ANK1: variants seen among roughly 807,000 people sequenced by gnomAD.
The protein encoded by ANK1 is ankyrin-1.
ANK1 carries 51 observed loss-of-function variants against 210.4 expected under a neutral mutation model. The observed-to-expected ratio is 0.24, with a 90% confidence interval of 0.19 to 0.31. ANK1 has a LOEUF of 0.31. Among genes scored for constraint, ANK1 ranks in the 10% least tolerant of loss-of-function variants. ANK1 has a pLI of 1.00. For synonymous variants in ANK1, 967 were observed against 1,025.9 expected, an observed-to-expected ratio of 0.94 and a Z score of 1.10; for missense variants, 2,051 against 2,504.4, an observed-to-expected ratio of 0.82 and a Z score of 3.86.
At position 41,668,479 on chromosome 8, in the gene ANK1, C is replaced by A; in HGVS notation, c.5182G>T (p.Gly1728Cys). The stretch of plus-strand genomic sequence containing the variant: ...CTTGTTCCCTGGAATGAGTGTGGAC[C>A]TTGCGTGACCTCCTCTTGCCAGGAA... ...QGSWQEEVTQ[G>C]PHSFQGTSTM... The change falls in exon 39 of 43, where the codon GGT becomes TGT. Residue 1728 changes from glycine (G) to cysteine (C), a missense_variant. This residue lies in a region of ANK1 where 496 missense variants were observed against 533.4 expected (regional missense o/e 0.93). Transcript: ENST00000289734. The A allele has an allele frequency of 6.2e-7, 1 of 1,614,218 alleles. No individual in the cohort carries two copies. The highest frequency in any genetic ancestry group is 8.5e-7 in the Non-Finnish European group (1 of 1,180,028).
In ANK1 at chr8:41,791,894, C is replaced by T. The variant is rs538632970; in HGVS notation, c.27+5618G>A. Reference sequence around the variant, plus strand: ...TCTCAGGAAGGAAAACCCTTCCAGGCGTTCCTATAGGAGAGAAGGGCTGGG... The same window carrying T: ...TCTCAGGAAGGAAAACCCTTCCAGGTGTTCCTATAGGAGAGAAGGGCTGGG... On this transcript the variant is annotated intron_variant, in intron 1 of 42. Transcript: ENST00000289734. 6.3e-5 allele frequency among the ~76,000 whole-genome samples: 9 copies of T among 143,682 alleles called. No homozygotes were observed. The South Asian group carries it at 7.0e-4, about 11-fold the overall frequency. The allele number at this position is 143,682 out of a possible 152,430, so 94.3% of individuals were successfully genotyped here.
intron 1 of ANK1, among the ~76,000 whole-genome samples, chr8:41,841,391 C>G (rs1216528921): frequency 1.3e-5 from 2 of 152,120 alleles, no homozygotes; most frequent in Non-Finnish European, 2.9e-5. Flanking sequence ...TGAGGGAGAG[C>G]TGGGGATTTG....
At chr8:41,701,321 T>C (rs1201901802) in intron 22 of ANK1, among the ~76,000 whole-genome samples, 1 of 152,246 alleles carries the variant, frequency 6.6e-6, no homozygotes, top group East Asian at 1.9e-4. Flanking sequence ...TTTTGAAACT[T>C]CATGGGATTT....
chr8:41,683,075 C>T (rs1425545815), intron 37 of ANK1, among the ~76,000 whole-genome samples: 1 of 151,514 alleles, frequency 6.6e-6, no homozygotes. Context: ...CACATGAACA[C>T]GTGCACACAC....
chr8:41,747,772 C>T (rs1352776492), intron 2 of ANK1, among the ~76,000 whole-genome samples: 2 of 152,156 alleles, frequency 1.3e-5, no homozygotes, highest in Non-Finnish European at 2.9e-5. Context: ...CCGGATCGTT[C>T]CTGAAGGTGC....
At chr8:41,872,122 G>A (rs1563942149) in intron 1 of ANK1, among the ~76,000 whole-genome samples, 1 of 152,204 alleles carries the variant, frequency 6.6e-6, no homozygotes, top group East Asian at 1.9e-4. Flanking sequence ...CTGATTCGTG[G>A]TCTTAGTCAC....
At chr8:41,742,554 C>G (rs748617311) in intron 2 of ANK1, among the ~76,000 whole-genome samples, 1 of 152,214 alleles carries the variant, frequency 6.6e-6, no homozygotes, top group Non-Finnish European at 1.5e-5. Context: ...TCCCCCACTC[C>G]CTTTCTTTGA....
intron 1 of ANK1, chr8:41,896,347 C>T: frequency 6.3e-7 from 1 of 1,590,680 alleles, no homozygotes; most frequent in Non-Finnish European, 8.6e-7. Flanking sequence ...ACCGCCGCCC[C>T]CTCCTACCTT....
intron 1 of ANK1, among the ~76,000 whole-genome samples, chr8:41,761,599 C>A (rs143169607): frequency 9.2e-5 from 14 of 152,290 alleles, no homozygotes; most frequent in African/African-American, 3.1e-4. Flanking sequence ...GAACACATTT[C>A]CGTAGTGTCA....
intron 42 of ANK1, among the ~76,000 whole-genome samples, chr8:41,656,812 A>G (rs528756655): frequency 6.6e-6 from 1 of 152,274 alleles, no homozygotes; most frequent in East Asian, 1.9e-4. Context: ...GGGAGAACTC[A>G]GCTCTTGGGT....
intron 9 of ANK1, among the ~76,000 whole-genome samples, chr8:41,721,084 C>T (rs1462298597): frequency 2.0e-5 from 3 of 152,198 alleles, no homozygotes; most frequent in African/African-American, 7.2e-5. Flanking sequence ...TCACATGCTG[C>T]AGTCTTAACC....
rs746138074 is a variant in ANK1, at chr8:41,719,783, C to A, written c.985G>T (p.Ala329Ser). The change falls in exon 10 of 43, where the codon GCA becomes TCA. Residue 329 changes from alanine (A) to serine (S), a missense_variant. Physicochemically the swap from Ala to Ser is moderately conservative, Grantham distance 99. Coordinates refer to ENST00000289734, the MANE Select transcript of ANK1 (RefSeq NM_000037.4). The part of the protein sequence containing the change: ...DCVRLLLQYD[A>S]EIDDITLDHL... ...TCCAGGGTGATGTCGTCTATCTCTG[C>A]GTCGTATTGCAACAGGAGCCGGACA... is the stretch of plus-strand genomic sequence containing the variant. 3.1e-6 allele frequency: 5 copies of A among 1,614,084 alleles called. No homozygotes were observed. The highest frequency in any genetic ancestry group is 1.7e-5 in the Admixed American group (1 of 60,010).
intron 1 of ANK1, among the ~76,000 whole-genome samples, chr8:41,790,311 G>A (rs1476818081): frequency 1.3e-5 from 2 of 151,898 alleles, no homozygotes; most frequent in Admixed American, 1.3e-4. Flanking sequence ...CATGCCCAGC[G>A]AATTTTTGTA....
intron 1 of ANK1, among the ~76,000 whole-genome samples, chr8:41,852,930 G>A (rs1811529987): frequency 6.6e-6 from 1 of 152,210 alleles, no homozygotes; most frequent in South Asian, 2.1e-4. Flanking sequence ...AGTTTAGCCT[G>A]AACCTCACAA....
rs1826991474 is a variant in ANK1 at position 41,714,242 on chromosome 8, G to A, written c.1714C>T (p.Pro572Ser). 1.9e-6 allele frequency: 3 copies of A among 1,553,316 alleles called. No individual in the cohort carries two copies. The African/African-American group carries it at 4.1e-5, about 21-fold the overall frequency. Residue 572 changes from proline to serine, a missense_variant, in exon 16 of 43, where the codon CCC becomes TCC. Transcript: ENST00000289734. Reference sequence around the variant, plus strand: ...TTGTGATGGACGGCCACGTGCAGGGGGGTCAGGCCATTCTGCAGGGGACAA... The same window carrying A: ...TTGTGATGGACGGCCACGTGCAGGGAGGTCAGGCCATTCTGCAGGGGACAA... ...PNAAGKNGLTPLHVAVHHNNL... is the reference protein window; with the variant it reads ...PNAAGKNGLTSLHVAVHHNNL...
rs1286560913 is a variant in ANK1, at chr8:41,703,422, G to GTGTATATATATATA, written c.2295+618_2295+619insTATATATATATACA. Among the ~76,000 whole-genome samples the GTGTATATATATATA allele has an allele frequency of 7.4e-4, 40 of 53,724 alleles. 1 individual carries two copies. The highest frequency in any genetic ancestry group is 3.5e-3 in the South Asian group (5 of 1,430). The allele number at this position is 53,724 out of a possible 152,430, so 35.2% of individuals were successfully genotyped here. A position where few individuals can be genotyped will look rare whatever the true frequency, so the allele number is the denominator to read the frequency against. ...TATATGTGTGTGTGTGTGTGTGTGTGTATATATATATATATATATATATAT... is the reference window on the plus strand; with the variant it reads ...TATATGTGTGTGTGTGTGTGTGTGTGTGTATATATATATATATATATATATATATATATATATAT... On this transcript the variant is annotated intron_variant, in intron 20 of 42. Coordinates refer to ENST00000289734, the MANE Select transcript of ANK1 (RefSeq NM_000037.4).
chr8:41,806,404 G>A (rs1028351882), intron 1 of ANK1, among the ~76,000 whole-genome samples: 13 of 152,120 alleles, frequency 8.5e-5, no homozygotes, highest in Non-Finnish European at 1.3e-4. Flanking sequence ...GGGAAAAAAG[G>A]AGGAAAAAGA....
At chr8:41,711,863 T>G (rs1253691246) in intron 16 of ANK1, among the ~76,000 whole-genome samples, 1 of 152,004 alleles carries the variant, frequency 6.6e-6, no homozygotes, top group Non-Finnish European at 1.5e-5. Flanking sequence ...AGAGTAAACC[T>G]CCAAAAGACT....
At chr8:41,807,173 G>A (rs780190765) in intron 1 of ANK1, among the ~76,000 whole-genome samples, 10 of 152,110 alleles carry the variant, frequency 6.6e-5, no homozygotes, top group Non-Finnish European at 1.2e-4. Context: ...AAACAGACAC[G>A]GTCTAGAGTT....
Sources: gnomAD v4.1 joint callset for allele counts (sites outside exome capture counted in the v4.1 genomes callset) on GRCh38, gnomAD v4.1.1 for gene constraint, gnomAD v4.1.1 regional missense constraint, MANE v1.5 for transcripts, NCBI Gene and HGNC (gene_info 2026-07-23, HGNC 2026-07-21) for gene names.